Variants in BCO2 observed in about 807,000 individuals in gnomAD.
BCO2 encodes carotenoid-cleaving dioxygenase, mitochondrial.
A neutral mutation model predicts 65.8 loss-of-function variants in BCO2; 56 were observed. The observed-to-expected ratio is 0.85, with a 90% CI of 0.69 to 1.06. The LOEUF (loss-of-function observed/expected upper bound fraction) is 1.06. Ranked by LOEUF, BCO2 falls within the 50% of genes least tolerant of loss-of-function variation. The pLI is 0.00. For missense variants in BCO2, 675 were observed against 698.5 expected, an observed-to-expected ratio of 0.97 and a Z score of 0.38; for synonymous variants, 233 against 242.3, an observed-to-expected ratio of 0.96 and a Z score of 0.36.
chr11:112,201,429 T>G (rs1310066235), intron 7 of BCO2, among the ~76,000 whole-genome samples: 2 of 152,184 alleles, frequency 1.3e-5, no homozygotes, highest in Non-Finnish European at 2.9e-5. Context: ...ATTACAGGCG[T>G]GAGCCACTGC....
intron 5 of BCO2, among the ~76,000 whole-genome samples, chr11:112,195,970 A>G (rs536955807): frequency 7.2e-5 from 11 of 152,306 alleles, no homozygotes; most frequent in Non-Finnish European, 1.5e-4. Flanking sequence ...GCCACCCATC[A>G]TGAGAGCCTG....
intron 2 of BCO2, among the ~76,000 whole-genome samples, chr11:112,190,215 T>C (rs983358113): frequency 1.3e-5 from 2 of 152,114 alleles, no homozygotes; most frequent in African/African-American, 2.4e-5. Flanking sequence ...CAGCCCAGAA[T>C]TGAGGATGCA....
rs76470817 is a variant in BCO2 at position 112,201,775 on chromosome 11, C to T, written c.1027-248C>T. Among the ~76,000 whole-genome samples the T allele has an allele frequency of 4.1e-4, 62 of 152,240 alleles. No homozygotes were observed. In the East Asian group the frequency reaches 9.7e-3, roughly 24 times the overall value. On this transcript the variant is annotated intron_variant, in intron 7 of 11. Transcript: ENST00000357685. The stretch of plus-strand genomic sequence containing the variant: ...TATATTTCATGAGGGATTTTAAGTT[C>T]GTTATAACAATTGATTGGTCTATAT...
At chr11:112,190,410 A>T (rs553360887) in intron 2 of BCO2, among the ~76,000 whole-genome samples, 5 of 152,346 alleles carry the variant, frequency 3.3e-5, no homozygotes, top group Admixed American at 3.3e-4. Context: ...TTTCAAGAAT[A>T]CAAGTTAGGC....
At chr11:112,188,185 T>A (rs1439959151) in intron 2 of BCO2, among the ~76,000 whole-genome samples, 1 of 152,208 alleles carries the variant, frequency 6.6e-6, no homozygotes, top group African/African-American at 2.4e-5. Flanking sequence ...TCCCAGTGCT[T>A]GTTCTTCATG....
chr11:112,214,387 A>G (rs952770049), intron 9 of BCO2, among the ~76,000 whole-genome samples: 1 of 151,920 alleles, frequency 6.6e-6, no homozygotes, highest in Non-Finnish European at 1.5e-5. Context: ...GACCTCAGGT[A>G]ATCCGCCCGC....
chr11:112,196,746 A>C (rs1321163922), intron 5 of BCO2, among the ~76,000 whole-genome samples: 3 of 152,274 alleles, frequency 2.0e-5, no homozygotes, highest in Admixed American at 2.0e-4. Flanking sequence ...TAGGCATTAC[A>C]AAATTAACTT....
intron 5 of BCO2, among the ~76,000 whole-genome samples, chr11:112,196,244 A>G (rs1174839560): frequency 6.6e-6 from 1 of 150,850 alleles, no homozygotes; most frequent in Non-Finnish European, 1.5e-5. Context: ...CCCAACGAAC[A>G]CTGAATCTAC....
At chr11:112,176,103 G>A in intron 1 of BCO2, 1 of 158,868 alleles carries the variant, frequency 6.3e-6, no homozygotes, top group Non-Finnish European at 1.4e-5. Context: ...TTCTATTATA[G>A]TTACCATTGT....
intron 8 of BCO2, among the ~76,000 whole-genome samples, chr11:112,211,352 A>ATACACT (rs147391427): frequency 6.7e-6 from 1 of 148,980 alleles, no homozygotes; most frequent in African/African-American, 2.5e-5. Context: ...ACACACACAC[A>ATACACT]ATATTTGTTT....
chr11:112,184,045 G>A (rs1867132098), intron 2 of BCO2, among the ~76,000 whole-genome samples: 1 of 152,096 alleles, frequency 6.6e-6, no homozygotes, highest in South Asian at 2.1e-4. Context: ...ACAAGCATAG[G>A]AAGATACTTC....
intron 2 of BCO2, among the ~76,000 whole-genome samples, chr11:112,180,335 G>A (rs1867000242): frequency 6.6e-6 from 1 of 152,138 alleles, no homozygotes; most frequent in Admixed American, 6.5e-5. Flanking sequence ...AGGGCTGACT[G>A]TATTAATTAT....
intron 11 of BCO2, among the ~76,000 whole-genome samples, chr11:112,217,550 TG>T (rs1170960672): frequency 6.6e-6 from 1 of 151,926 alleles, no homozygotes; most frequent in African/African-American, 2.4e-5. Flanking sequence ...TTTATAGAGA[TG>T]GGGTTTTGCC....
intron 2 of BCO2, among the ~76,000 whole-genome samples, chr11:112,192,925 G>GTTT (rs71060229): frequency 1.4e-4 from 5 of 36,670 alleles, no homozygotes; most frequent in Non-Finnish European, 1.9e-4. Context: ...AAAATGTGAG[G>GTTT]TTTTTTTTTT....
In BCO2 at chr11:112,193,864, A is replaced by G. The variant is rs1867478531; in HGVS notation, c.518-15A>G. The stretch of plus-strand genomic sequence containing the variant: ...TAAGCTGTGGTACTTAAATAACTCT[A>G]GGGTTTGGTTTCAGCCATGACTGAC... On this transcript the variant is annotated splice_polypyrimidine_tract_variant and intron_variant, in intron 3 of 11. Coordinates refer to ENST00000357685, the MANE Select transcript of BCO2 (RefSeq NM_031938.7). The G allele has an allele frequency of 1.9e-6, 3 of 1,542,560 alleles. No homozygotes were observed. Among genetic ancestry groups the G allele is most frequent in the Non-Finnish European group, 2.7e-6 (3 of 1,114,814 alleles).
At chr11:112,207,252 G>A (rs1339842285) in intron 8 of BCO2, among the ~76,000 whole-genome samples, 2 of 152,138 alleles carry the variant, frequency 1.3e-5, no homozygotes, top group Non-Finnish European at 2.9e-5. Flanking sequence ...GTTGAAAAAT[G>A]TTTAATAATT....
At chr11:112,178,370 G>A (rs575704197) in intron 1 of BCO2, among the ~76,000 whole-genome samples, 1 of 152,272 alleles carries the variant, frequency 6.6e-6, no homozygotes, top group Non-Finnish European at 1.5e-5. Flanking sequence ...CTGAATTTTT[G>A]AAAGATTTGA....
At position 112,214,956 on chromosome 11, in the gene BCO2, C is replaced by G; in HGVS notation, c.1515+12C>G. On this transcript the variant is annotated intron_variant, in intron 10 of 11. Transcript: ENST00000357685. The stretch of plus-strand genomic sequence containing the variant: ...ATAAGACACTGAAGGTGATGAAAAA[C>G]TCTTTCCTTTTTGAACTTTTCAGAG... 2 of 1,613,834 alleles carry G rather than the reference C, an allele frequency of 1.2e-6. No individual in the cohort carries two copies. The highest frequency in any genetic ancestry group is 1.7e-6 in the Non-Finnish European group (2 of 1,179,792).
At chr11:112,180,724 A>G (rs1219150754) in intron 2 of BCO2, 12 of 804,580 alleles carry the variant, frequency 1.5e-5, no homozygotes, top group Non-Finnish European at 2.3e-5. Context: ...TGGGAGGAGG[A>G]CCAGGTGGGA....
Sources: gnomAD v4.1 joint callset for allele counts (sites outside exome capture counted in the v4.1 genomes callset) on GRCh38, gnomAD v4.1.1 for gene constraint, MANE v1.5 for transcripts, NCBI Gene and HGNC (gene_info 2026-07-23, HGNC 2026-07-21) for gene names.